TMEM74: variants seen among roughly 807,000 people sequenced by gnomAD.
The protein encoded by TMEM74 is transmembrane protein 74.
TMEM74 carries 13 observed loss-of-function variants against 18.1 expected under a neutral mutation model. That is an observed-to-expected ratio of 0.72 (90% CI 0.47 to 1.14). The LOEUF is 1.14. Among genes scored for constraint, TMEM74 ranks in the 50% most tolerant of loss-of-function variants. TMEM74 has a pLI of 0.00. For synonymous variants in TMEM74, 159 were observed against 146.6 expected, an observed-to-expected ratio of 1.08 and a Z score of -0.61; for missense variants, 372 against 375.9, an observed-to-expected ratio of 0.99 and a Z score of 0.09.
intron 1 of TMEM74, among the ~76,000 whole-genome samples, chr8:108,769,537 A>G (rs1450855028): frequency 1.3e-5 from 2 of 152,040 alleles, no homozygotes; most frequent in East Asian, 1.9e-4. Flanking sequence ...TATTTCTCAT[A>G]TAGAGTAGTG....
At chr8:108,713,541 C>T (rs1285699748) in intron 1 of TMEM74, among the ~76,000 whole-genome samples, 1 of 152,124 alleles carries the variant, frequency 6.6e-6, no homozygotes, top group Non-Finnish European at 1.5e-5. Flanking sequence ...TATATAATTG[C>T]ACTCACACAC....
chr8:108,735,986 C>CT (rs1040140085), intron 1 of TMEM74, among the ~76,000 whole-genome samples: 24 of 149,828 alleles, frequency 1.6e-4, no homozygotes, highest in South Asian at 8.4e-4. Context: ...CACTCGCCTT[C>CT]TTTTTTTTTT....
At chr8:108,731,229 C>A (rs1236918651) in intron 1 of TMEM74, among the ~76,000 whole-genome samples, 1 of 151,710 alleles carries the variant, frequency 6.6e-6, no homozygotes, top group South Asian at 2.1e-4. Context: ...CCACCGCCCC[C>A]CATCCCCCCC....
chr8:108,673,228 C>G (rs1304994898), intron 1 of TMEM74, among the ~76,000 whole-genome samples: 1 of 152,178 alleles, frequency 6.6e-6, no homozygotes, highest in Non-Finnish European at 1.5e-5. Flanking sequence ...GTTATCCTCA[C>G]ACACAGATCA....
intron 2 of TMEM74, among the ~76,000 whole-genome samples, chr8:108,642,668 G>T (rs1021452789): frequency 7.9e-5 from 12 of 152,022 alleles, no homozygotes; most frequent in Non-Finnish European, 1.5e-4. Context: ...TATCAATCTA[G>T]CTCCCAAAAC....
At chr8:108,636,373 C>T (rs575440809) in intron 2 of TMEM74, among the ~76,000 whole-genome samples, 1 of 152,054 alleles carries the variant, frequency 6.6e-6, no homozygotes, top group Non-Finnish European at 1.5e-5. Context: ...GTGGTCCCGA[C>T]CAACCATCAA....
chr8:108,649,106 A>G (rs1009481900), intron 2 of TMEM74, among the ~76,000 whole-genome samples: 2 of 152,170 alleles, frequency 1.3e-5, no homozygotes, highest in African/African-American at 4.8e-5. Flanking sequence ...TGTTGTCTGA[A>G]TAGTAATGAA....
chr8:108,772,952 A>G (rs999252790), intron 1 of TMEM74, among the ~76,000 whole-genome samples: 2 of 152,148 alleles, frequency 1.3e-5, no homozygotes, highest in Middle Eastern at 3.2e-3. Flanking sequence ...CATTATAAGC[A>G]CTCAATAGTG....
intron 1 of TMEM74, among the ~76,000 whole-genome samples, chr8:108,756,599 A>AAAGAAAGAAAGAGAAAGG (rs1586286218): frequency 1.4e-4 from 7 of 51,552 alleles, no homozygotes; most frequent in East Asian, 1.2e-3. Flanking sequence ...AAAGAAAGAG[A>AAAGAAAGAAAGAGAAAGG]AAGGAAGGAA....
intron 1 of TMEM74, among the ~76,000 whole-genome samples, chr8:108,747,625 C>T (rs748861323): frequency 6.6e-5 from 10 of 151,864 alleles, no homozygotes; most frequent in Admixed American, 6.6e-4. Context: ...TAAACGTGTG[C>T]CATGGTGGTT....
rs182478350 is a variant in TMEM74, at chr8:108,616,731, T to C, written n.265-7905A>G. Among the ~76,000 whole-genome samples, 328 of 152,218 alleles carry C rather than the reference T, an allele frequency of 2.2e-3. 2 individuals are homozygous for C. Among genetic ancestry groups the C allele is most frequent in the African/African-American group, 7.4e-3 (308 of 41,536 alleles). Reference sequence around the variant, plus strand: ...CCAAGTTTGTTGCTAAGCTGATGCTTGGAACTTTGATTTGTTATGTAGATT... The same window carrying C: ...CCAAGTTTGTTGCTAAGCTGATGCTCGGAACTTTGATTTGTTATGTAGATT... On this transcript the variant is annotated intron_variant and non_coding_transcript_variant, in intron 2 of 3. Coordinates refer to the TMEM74 transcript ENST00000518838.
Position 108,730,634 on chromosome 8 carries a change from C to CTTTTTTTTTTTTTTTTTTTTTTTTTT in TMEM74, n.119+56841_119+56842insAAAAAAAAAAAAAAAAAAAAAAAAAA, listed in dbSNP as rs1199122765. On this transcript the variant is annotated intron_variant and non_coding_transcript_variant, in intron 1 of 3. Coordinates refer to the TMEM74 transcript ENST00000518838. ...TTAGCTTTAAATGTATGCAGACTTC[C>CTTTTTTTTTTTTTTTTTTTTTTTTTT]TTTTTTTTTTTTTTTTTGTGACGGA... 2.4e-4 allele frequency among the ~76,000 whole-genome samples: 32 copies of CTTTTTTTTTTTTTTTTTTTTTTTTTT among 132,182 alleles called. 1 individual carries two copies. Among genetic ancestry groups the CTTTTTTTTTTTTTTTTTTTTTTTTTT allele is most frequent in the African/African-American group, 9.2e-4 (30 of 32,674 alleles). 86.7% of individuals were successfully genotyped at this position (132,182 alleles called of 152,430 possible). A position where few individuals can be genotyped will look rare whatever the true frequency, so the allele number is the denominator to read the frequency against.
chr8:108,752,900 A>G (rs754217518), intron 1 of TMEM74, among the ~76,000 whole-genome samples: 4 of 152,044 alleles, frequency 2.6e-5, no homozygotes, highest in Admixed American at 6.6e-5. Flanking sequence ...TTGCACTTAC[A>G]ATGAAAATCC....
intron 1 of TMEM74, among the ~76,000 whole-genome samples, chr8:108,771,565 T>G (rs970946457): frequency 6.6e-6 from 1 of 152,164 alleles, no homozygotes; most frequent in Non-Finnish European, 1.5e-5. Context: ...TGATGCTATA[T>G]TTGAGAGAAA....
At chr8:108,689,986 G>C (rs192589101) in intron 1 of TMEM74, among the ~76,000 whole-genome samples, 2 of 152,200 alleles carry the variant, frequency 1.3e-5, no homozygotes, top group African/African-American at 4.8e-5. Context: ...GGTGCTCAAA[G>C]GATAAACAAC....
At chr8:108,694,030 T>C (rs1183440065) in intron 1 of TMEM74, among the ~76,000 whole-genome samples, 1 of 152,258 alleles carries the variant, frequency 6.6e-6, no homozygotes, top group African/African-American at 2.4e-5. Context: ...TTGTATAAAT[T>C]TATGAGGTAC....
intron 2 of TMEM74, among the ~76,000 whole-genome samples, chr8:108,613,686 A>C (rs1257990494): frequency 6.6e-6 from 1 of 152,214 alleles, no homozygotes; most frequent in African/African-American, 2.4e-5. Flanking sequence ...CACAAAGAGA[A>C]TGCAAATGCC....
chr8:108,654,242 A>C (rs1014953964), intron 2 of TMEM74, among the ~76,000 whole-genome samples: 5 of 152,188 alleles, frequency 3.3e-5, no homozygotes, highest in African/African-American at 1.2e-4. Context: ...CAGGCACCAG[A>C]CTGCCTAGTT....
chr8:108,736,765 A>G (rs956843094), intron 1 of TMEM74, among the ~76,000 whole-genome samples: 2 of 152,106 alleles, frequency 1.3e-5, no homozygotes, highest in African/African-American at 4.8e-5. Flanking sequence ...TCTATTTACC[A>G]TATACACAGT....
Sources: gnomAD v4.1 joint callset for allele counts (sites outside exome capture counted in the v4.1 genomes callset) on GRCh38, gnomAD v4.1.1 for gene constraint, MANE v1.5 for transcripts, NCBI Gene and HGNC (gene_info 2026-07-23, HGNC 2026-07-21) for gene names.